Variants in MACROD2 observed in about 807,000 individuals in gnomAD.
MACROD2 encodes ADP-ribose glycohydrolase MACROD2.
In MACROD2, 36 loss-of-function variants were observed where a neutral mutation model predicts 70.4. That is an observed-to-expected ratio of 0.51 (90% confidence interval 0.39 to 0.68). The LOEUF is 0.68. Among genes scored for constraint, MACROD2 ranks in the 30% least tolerant of loss-of-function variants. MACROD2 has a pLI of 0.00. For synonymous variants in MACROD2, 172 were observed against 178.8 expected, an observed-to-expected ratio of 0.96 and a Z score of 0.30; for missense variants, 496 against 538.4, an observed-to-expected ratio of 0.92 and a Z score of 0.78.
rs758900562 is a variant in MACROD2, at chr20:15,967,596, A to T, written c.951A>T (p.Thr317=). Residue 317 remains threonine (T), a synonymous_variant, in exon 13 of 18, where the codon ACA becomes ACT. Coordinates refer to ENST00000684519, the MANE Select transcript of MACROD2 (RefSeq NM_001351661.2). ...ATATTACAAAAGGCGGTGAAGTGACAGATCATTCTGTGCGTGACCAAGATC... is the reference window on the plus strand; with the variant it reads ...ATATTACAAAAGGCGGTGAAGTGACTGATCATTCTGTGCGTGACCAAGATC... ...DENITKGGEV[T]DHSVRDQDHP... 1 of 1,611,628 alleles carries T rather than the reference A, an allele frequency of 6.2e-7. No individual in the cohort carries two copies. Among genetic ancestry groups the T allele is most frequent in the South Asian group, 1.1e-5 (1 of 90,764 alleles).
At chr20:15,294,018 G>A (rs2077563917) in intron 6 of MACROD2, among the ~76,000 whole-genome samples, 1 of 151,746 alleles carries the variant, frequency 6.6e-6, no homozygotes, top group Non-Finnish European at 1.5e-5. Flanking sequence ...TACTTCGGGA[G>A]GCTGAGGCAG....
chr20:14,698,498 A>G (rs1327213509), intron 5 of MACROD2, among the ~76,000 whole-genome samples: 6 of 151,968 alleles, frequency 3.9e-5, no homozygotes, highest in African/African-American at 1.2e-4. Flanking sequence ...CACCCCAACT[A>G]TTTTATCTAA....
At chr20:15,572,496 G>A (rs140245578) in intron 8 of MACROD2, among the ~76,000 whole-genome samples, 29 of 152,080 alleles carry the variant, frequency 1.9e-4, no homozygotes, top group African/African-American at 6.7e-4. Flanking sequence ...ATCTGTCTAA[G>A]GTTTATTCAC....
chr20:14,551,673 G>A (rs1341963942), intron 4 of MACROD2, among the ~76,000 whole-genome samples: 1 of 152,146 alleles, frequency 6.6e-6, no homozygotes, highest in Non-Finnish European at 1.5e-5. Flanking sequence ...TTACTGTTGA[G>A]ATATAGCTAT....
At chr20:15,680,799 A>T (rs913289646) in intron 8 of MACROD2, among the ~76,000 whole-genome samples, 6 of 152,244 alleles carry the variant, frequency 3.9e-5, no homozygotes, top group Admixed American at 3.3e-4. Context: ...AAGATGAGTG[A>T]TGATATCATA....
chr20:14,357,244 A>G (rs1180803142), intron 3 of MACROD2, among the ~76,000 whole-genome samples: 2 of 152,194 alleles, frequency 1.3e-5, no homozygotes, highest in Admixed American at 6.5e-5. Flanking sequence ...ATAACATAAT[A>G]TGCTTGGCTT....
chr20:15,116,560 G>A (rs1270787959), intron 5 of MACROD2, among the ~76,000 whole-genome samples: 2 of 152,142 alleles, frequency 1.3e-5, no homozygotes, highest in Admixed American at 6.5e-5. Flanking sequence ...CAGGAGAATC[G>A]CTTAAACCTG....
chr20:15,798,565 C>G (rs545995329), intron 8 of MACROD2, among the ~76,000 whole-genome samples: 59 of 152,322 alleles, frequency 3.9e-4, no homozygotes, highest in African/African-American at 1.4e-3. Flanking sequence ...CAAGCCTGCT[C>G]AAATTCAAAG....
intron 6 of MACROD2, among the ~76,000 whole-genome samples, chr20:15,293,181 A>T (rs1046236402): frequency 6.6e-6 from 1 of 152,248 alleles, no homozygotes; most frequent in Non-Finnish European, 1.5e-5. Context: ...GCCACATGGC[A>T]TCTCTTCAGA....
At position 15,987,111 on chromosome 20, in the gene MACROD2, A is replaced by C. The variant is rs770721584; in HGVS notation, c.1106A>C (p.Glu369Ala). 3.1e-6 allele frequency: 5 copies of C among 1,612,520 alleles called. No homozygotes were observed. The highest frequency in any genetic ancestry group is 3.4e-6 in the Non-Finnish European group (4 of 1,179,672). ...GATGCCGTGATTGTGGAGCAACCAGAAGTGATTCCATTAACAGAGGACCAA... is the reference window on the plus strand; with the variant it reads ...GATGCCGTGATTGTGGAGCAACCAGCAGTGATTCCATTAACAGAGGACCAA... The part of the protein sequence containing the change: ...QEDAVIVEQP[E>A]VIPLTEDQEE... The change falls in exon 15 of 18, where the codon GAA (glutamate) becomes GCA (alanine). Residue 369 changes from glutamate to alanine, a missense_variant. Physicochemically the swap from Glu to Ala is moderately radical, Grantham distance 107 (BLOSUM62 -1). Coordinates refer to ENST00000684519, the MANE Select transcript of MACROD2 (RefSeq NM_001351661.2).
At chr20:14,621,484 AT>A (rs540195155) in intron 4 of MACROD2, among the ~76,000 whole-genome samples, 122 of 152,302 alleles carry the variant, frequency 8.0e-4, no homozygotes, top group African/African-American at 2.9e-3. Flanking sequence ...GTATCAATCA[AT>A]TCTTTAAAAC....
At chr20:15,490,892 C>T (rs149210256) in intron 7 of MACROD2, among the ~76,000 whole-genome samples, 1 of 152,332 alleles carries the variant, frequency 6.6e-6, no homozygotes, top group Non-Finnish European at 1.5e-5. Context: ...TCTGTCCCAA[C>T]ACTCAGCTTT....
chr20:15,159,393 A>G (rs891196260), intron 5 of MACROD2, among the ~76,000 whole-genome samples: 12 of 152,064 alleles, frequency 7.9e-5, no homozygotes, highest in African/African-American at 2.9e-4. Flanking sequence ...TAAGAGTTCA[A>G]TCAAGACTCT....
intron 8 of MACROD2, among the ~76,000 whole-genome samples, chr20:15,676,896 G>A (rs778467938): frequency 6.6e-6 from 1 of 152,074 alleles, no homozygotes; most frequent in African/African-American, 2.4e-5. Context: ...TTCCTGATTT[G>A]GCAACAACAA....
intron 4 of MACROD2, among the ~76,000 whole-genome samples, chr20:14,536,797 A>G (rs1436282541): frequency 1.3e-5 from 2 of 152,170 alleles, no homozygotes; most frequent in African/African-American, 4.8e-5. Context: ...GAACATCCAA[A>G]TTGGCAAAAT....
chr20:14,455,183 T>G (rs2084288016), intron 3 of MACROD2, among the ~76,000 whole-genome samples: 1 of 151,918 alleles, frequency 6.6e-6, no homozygotes, highest in South Asian at 2.1e-4. Context: ...CCTCAGCTAT[T>G]AAATTCTTTT....
chr20:15,167,370 G>A (rs1250096026), intron 5 of MACROD2, among the ~76,000 whole-genome samples: 1 of 152,106 alleles, frequency 6.6e-6, no homozygotes, highest in Non-Finnish European at 1.5e-5. Flanking sequence ...GTTGGTAAAT[G>A]TTGAAATTTA....
chr20:14,647,156 C>T (rs755374790), intron 4 of MACROD2, among the ~76,000 whole-genome samples: 2 of 152,128 alleles, frequency 1.3e-5, no homozygotes, highest in Non-Finnish European at 2.9e-5. Context: ...GTACAGCAAG[C>T]AGCTACTAAT....
intron 8 of MACROD2, among the ~76,000 whole-genome samples, chr20:15,839,802 C>A (rs1387287983): frequency 6.6e-6 from 1 of 152,008 alleles, no homozygotes; most frequent in East Asian, 1.9e-4. Flanking sequence ...GAGAATCATT[C>A]TGTATTATTA....
Sources: gnomAD v4.1 joint callset for allele counts (sites outside exome capture counted in the v4.1 genomes callset) on GRCh38, gnomAD v4.1.1 for gene constraint, MANE v1.5 for transcripts, NCBI Gene and HGNC (gene_info 2026-07-23, HGNC 2026-07-21) for gene names.